ZNF469: variants seen among roughly 807,000 people sequenced by gnomAD.
ZNF469 encodes zinc finger protein 469.
In ZNF469, 1 loss-of-function variant was observed where a neutral mutation model predicts 1.0. The observed-to-expected ratio is 1.00, with a 90% CI of 0.35 to 4.73. The LOEUF is 4.73. Ranked by LOEUF, ZNF469 falls within the 30% of genes most tolerant of loss-of-function variation. The probability of loss-of-function intolerance (pLI) is 0.16; values close to 1 mark genes in which losing one functional copy is unlikely to be tolerated. For missense variants in ZNF469, 6,100 were observed against 5,356.3 expected, an observed-to-expected ratio of 1.14 and a Z score of -4.33; for synonymous variants, 2,703 against 2,363.4, an observed-to-expected ratio of 1.14 and a Z score of -4.17.
In ZNF469 at chr16:88,428,289, C is replaced by A. The variant is rs778467047; in HGVS notation, c.819C>A (p.Phe273Leu). 6.5e-7 allele frequency: 1 copy of A among 1,550,284 alleles called. No homozygotes were observed. The highest frequency in any genetic ancestry group is 8.7e-7 in the Non-Finnish European group (1 of 1,146,954). Residue 273 changes from phenylalanine to leucine, a missense_variant, in exon 3 of 3, where the codon TTC (phenylalanine) becomes TTA (leucine). Transcript: ENST00000565624. Reference sequence around the variant, plus strand: ...GCGGCAGCCCCAGGGGAGTTTCCTTCCAGTTCCCCTTCCCGGCACTGCATG... The same window carrying A: ...GCGGCAGCCCCAGGGGAGTTTCCTTACAGTTCCCCTTCCCGGCACTGCATG... ...RPGGSPRGVSFQFPFPALHGA... is the reference protein window; with the variant it reads ...RPGGSPRGVSLQFPFPALHGA...
chr16:88,201,353 G>C, the ZNF469 span, among the ~76,000 whole-genome samples: 1 of 152,104 alleles, frequency 6.6e-6, no homozygotes, highest in Non-Finnish European at 1.5e-5. This position sits in a 1 kb window ranked among gnomAD's most constrained non-coding sequence, Gnocchi z 5.0. Flanking sequence ...TCAGGAGTTC[G>C]AGACCAGCCT....
chr16:88,403,387 G>A (rs946782563), intron 1 of ZNF469, among the ~76,000 whole-genome samples: 1 of 152,222 alleles, frequency 6.6e-6, no homozygotes, highest in African/African-American at 2.4e-5. Context: ...TTGCTGAAGG[G>A]GGCAAACACA....
chr16:88,348,218 G>A, the ZNF469 span, among the ~76,000 whole-genome samples: 4 of 152,182 alleles, frequency 2.6e-5, no homozygotes, highest in Admixed American at 2.0e-4. Flanking sequence ...GCTCAGGGCC[G>A]CCTTCCTGCC....
At chr16:88,384,054 T>G (rs1172808105) in intron 1 of ZNF469, among the ~76,000 whole-genome samples, 1 of 152,164 alleles carries the variant, frequency 6.6e-6, no homozygotes, top group Non-Finnish European at 1.5e-5. Context: ...GCAGCTCAGC[T>G]GCCAAGTCCG....
At chr16:88,153,572 G>T in the ZNF469 span, among the ~76,000 whole-genome samples, 1 of 152,232 alleles carries the variant, frequency 6.6e-6, no homozygotes, top group Admixed American at 6.5e-5. Context: ...GCACGTGCAG[G>T]CGAGAAGGTC....
intron 1 of ZNF469, among the ~76,000 whole-genome samples, chr16:88,401,143 C>T (rs1226353157): frequency 6.6e-6 from 1 of 152,158 alleles, no homozygotes; most frequent in Non-Finnish European, 1.5e-5. Context: ...GGTACAGTTT[C>T]TCTCTCCCAT....
chr16:88,286,817 T>C, the ZNF469 span, among the ~76,000 whole-genome samples: 9 of 152,212 alleles, frequency 5.9e-5, no homozygotes, highest in African/African-American at 2.2e-4. Flanking sequence ...TCTCTGCCTC[T>C]GTGTCTTATA....
chr16:88,335,446 A>G, the ZNF469 span, among the ~76,000 whole-genome samples: 1 of 152,218 alleles, frequency 6.6e-6, no homozygotes, highest in Non-Finnish European at 1.5e-5. Flanking sequence ...AGCTGGTGCC[A>G]TGGCGAGACA....
the ZNF469 span, among the ~76,000 whole-genome samples, chr16:88,321,491 A>C: frequency 2.6e-5 from 4 of 151,010 alleles, no homozygotes; most frequent in East Asian, 3.9e-4. Context: ...TGGCTCTCAG[A>C]GTCTGCATGT....
At chr16:88,295,028 T>A in the ZNF469 span, among the ~76,000 whole-genome samples, 2 of 52,310 alleles carry the variant, frequency 3.8e-5, no homozygotes, top group Admixed American at 2.0e-4. Context: ...GTCTGGGGAG[T>A]ATGTCATCTC....
At chr16:88,223,831 C>G in the ZNF469 span, among the ~76,000 whole-genome samples, 1 of 152,226 alleles carries the variant, frequency 6.6e-6, no homozygotes, top group Admixed American at 6.5e-5. Context: ...CCGCCCGCCC[C>G]CTTCGTTAGA....
At chr16:88,221,315 G>A in the ZNF469 span, among the ~76,000 whole-genome samples, 4 of 152,236 alleles carry the variant, frequency 2.6e-5, no homozygotes, top group African/African-American at 7.2e-5. Flanking sequence ...GGGCTCGAGC[G>A]AGATAGCGCA....
the ZNF469 span, among the ~76,000 whole-genome samples, chr16:88,337,270 T>C: frequency 6.6e-6 from 1 of 152,116 alleles, no homozygotes; most frequent in Non-Finnish European, 1.5e-5. Context: ...GCCTTTCCCA[T>C]GCTGTTCTCA....
chr16:88,344,107 C>T, the ZNF469 span, among the ~76,000 whole-genome samples: 1 of 152,058 alleles, frequency 6.6e-6, no homozygotes, highest in African/African-American at 2.4e-5. Flanking sequence ...AGAGACTCTA[C>T]AAAACACCTG....
the ZNF469 span, among the ~76,000 whole-genome samples, chr16:88,208,862 G>A: frequency 6.2e-4 from 91 of 147,228 alleles, no homozygotes; most frequent in African/African-American, 1.9e-3. Context: ...GAGCTCCCAC[G>A]ATGCCTCCAG....
the ZNF469 span, among the ~76,000 whole-genome samples, chr16:88,283,612 G>C: frequency 1.9e-4 from 29 of 152,356 alleles, 1 homozygote; most frequent in African/African-American, 6.7e-4. Context: ...GGGGGTATCT[G>C]TTACATTACT....
the ZNF469 span, among the ~76,000 whole-genome samples, chr16:88,368,421 G>A: frequency 1.3e-5 from 2 of 152,230 alleles, no homozygotes; most frequent in African/African-American, 4.8e-5. Flanking sequence ...GAGGTGGGGG[G>A]CTCCATCCTT....
the ZNF469 span, among the ~76,000 whole-genome samples, chr16:88,189,719 AG>A: frequency 6.6e-6 from 1 of 152,222 alleles, no homozygotes; most frequent in Non-Finnish European, 1.5e-5. This position sits in a 1 kb window ranked among gnomAD's most constrained non-coding sequence, Gnocchi z 4.3. Flanking sequence ...CAGGAGTTGG[AG>A]ACCAGCCTGG....
At chr16:88,161,715 A>G in the ZNF469 span, among the ~76,000 whole-genome samples, 4,972 of 151,374 alleles carry the variant, frequency 0.033, 260 homozygotes, top group African/African-American at 0.11. Context: ...TTGTAAGGGG[A>G]AAAAAAAAGC....
Sources: allele counts gnomAD v4.1 joint callset (sites outside exome capture counted in the v4.1 genomes callset), GRCh38; gene constraint gnomAD v4.1.1; non-coding constraint Gnocchi (gnomAD v3.1); transcripts MANE v1.5; gene names NCBI Gene and HGNC (gene_info 2026-07-23, HGNC 2026-07-21).